UBE2W: variants seen among roughly 807,000 people sequenced by gnomAD.
UBE2W encodes the protein ubiquitin conjugating enzyme E2 W.
A neutral mutation model predicts 27.2 loss-of-function variants in UBE2W; 18 were observed. That is an observed-to-expected ratio of 0.66 (90% CI 0.46 to 0.98). UBE2W has a LOEUF of 0.98. UBE2W is among the 50% of genes least tolerant of loss of function. UBE2W has a pLI of 0.00. For missense variants in UBE2W, 90 were observed against 180.2 expected, an observed-to-expected ratio of 0.50 and a Z score of 2.87; for synonymous variants, 53 against 57.2, an observed-to-expected ratio of 0.93 and a Z score of 0.33.
At chr8:73,805,454 C>CAAAAAAAA (rs1162712227) in intron 5 of UBE2W, among the ~76,000 whole-genome samples, 197 bp downstream of exon 5, 749 of 14,524 alleles carry the variant, frequency 0.052, 145 homozygotes, top group Non-Finnish European at 0.062. Flanking sequence ...AACTCCATCT[C>CAAAAAAAA]AAAAAAAAAA....
intron 5 of UBE2W, among the ~76,000 whole-genome samples, chr8:73,805,174 C>CT (rs2130863222): frequency 6.6e-6 from 1 of 151,504 alleles, no homozygotes; most frequent in South Asian, 2.1e-4. Context: ...TGGTGTAGTG[C>CT]TGGGCGTGGT....
At chr8:73,871,181 T>G (rs1455506010) in intron 1 of UBE2W, among the ~76,000 whole-genome samples, 4 of 152,194 alleles carry the variant, frequency 2.6e-5, no homozygotes, top group African/African-American at 7.2e-5. Flanking sequence ...TGTATTTACA[T>G]CAGGAATTCA....
intron 1 of UBE2W, among the ~76,000 whole-genome samples, chr8:73,838,852 C>T (rs542938148): frequency 3.9e-5 from 6 of 152,306 alleles, no homozygotes; most frequent in African/African-American, 9.6e-5. Flanking sequence ...TTTGTAACAT[C>T]ACTTCAGCCT....
chr8:73,823,331 G>A (rs183859396), intron 3 of UBE2W, among the ~76,000 whole-genome samples: 1 of 152,222 alleles, frequency 6.6e-6, no homozygotes, highest in South Asian at 2.1e-4. Flanking sequence ...ATTAAGGAAA[G>A]AGTTTAGAGA....
intron 1 of UBE2W, among the ~76,000 whole-genome samples, chr8:73,857,328 TAAGG>T (rs1811342338): frequency 6.6e-6 from 1 of 152,164 alleles, no homozygotes; most frequent in African/African-American, 2.4e-5. Context: ...CCCTGGCACT[TAAGG>T]TAGATAGCAA....
In UBE2W at chr8:73,878,798, C is replaced by G; in HGVS notation, c.15+10G>C. On this transcript the variant is annotated intron_variant, in intron 1 of 5. Transcript: ENST00000602593. ...CCCTGGCCCGCCCAGATGCAGCAAA[C>G]TCCTCTCACCTGCATTGACGCCATG... The G allele has an allele frequency of 6.5e-7, 1 of 1,549,198 alleles. No homozygotes were observed.
chr8:73,878,739 C>A, intron 1 of UBE2W, 69 bp downstream of exon 1: 2 of 1,395,286 alleles, frequency 1.4e-6, no homozygotes, highest in South Asian at 2.5e-5. Flanking sequence ...GCGGACGCCA[C>A]CCCCGCCCGA....
At chr8:73,837,124 GGAAA>G (rs1474783676) in intron 1 of UBE2W, among the ~76,000 whole-genome samples, 1 of 152,078 alleles carries the variant, frequency 6.6e-6, no homozygotes, top group Admixed American at 6.6e-5. Context: ...TGTGTCACTA[GGAAA>G]GAAAAACTGC....
At chr8:73,845,318 G>T (rs1586513697) in intron 1 of UBE2W, among the ~76,000 whole-genome samples, 1 of 152,250 alleles carries the variant, frequency 6.6e-6, no homozygotes, top group South Asian at 2.1e-4. Flanking sequence ...CTGTGTCTGT[G>T]TAGAAAGTAG....
intron 1 of UBE2W, among the ~76,000 whole-genome samples, chr8:73,854,304 CAGT>C (rs1382513403): frequency 1.3e-5 from 2 of 152,060 alleles, no homozygotes; most frequent in Non-Finnish European, 2.9e-5. Flanking sequence ...GTGGAAACAA[CAGT>C]AGATCATGGC....
intron 4 of UBE2W, chr8:73,780,528 AATTT>A (rs10569270): frequency 0.017 from 7,859 of 451,610 alleles, 322 homozygotes; most frequent in African/African-American, 0.11. Context: ...CTGAAAAAAA[AATTT>A]ATTTATTTAT....
intron 3 of UBE2W, among the ~76,000 whole-genome samples, chr8:73,811,844 T>C (rs1809165838): frequency 6.6e-6 from 1 of 152,042 alleles, no homozygotes; most frequent in Admixed American, 6.6e-5. Flanking sequence ...TACCCTTTTT[T>C]CTCTTTATAG....
In UBE2W at chr8:73,843,198, A is replaced by G. The variant is rs116763156; in HGVS notation, c.16-12726T>C. ...AAAGGAGAATGGAGAGTGACTACTT[A>G]TGGACACAAAGGTTGCTTTTTGGGC... On this transcript the variant is annotated intron_variant, in intron 1 of 5. Transcript: ENST00000602593. 2.6e-3 allele frequency among the ~76,000 whole-genome samples: 403 copies of G among 152,340 alleles called. 1 individual carries two copies. Among genetic ancestry groups the G allele is most frequent in the African/African-American group, 9.4e-3 (391 of 41,572 alleles).
chr8:73,798,912 C>G (rs1009327749), intron 5 of UBE2W, among the ~76,000 whole-genome samples: 2 of 151,594 alleles, frequency 1.3e-5, no homozygotes, highest in African/African-American at 2.4e-5. Flanking sequence ...TTTTGCATAC[C>G]TATTTTGGTT....
rs1403246868 is a variant in UBE2W, at chr8:73,786,348, A to G, written c.*7754T>C. 1 of 985,334 alleles carries G rather than the reference A, an allele frequency of 1.0e-6. No individual in the cohort carries two copies. Among genetic ancestry groups the G allele is most frequent in the Non-Finnish European group, 1.2e-6 (1 of 829,948 alleles). 61.0% of individuals were successfully genotyped at this position (985,334 alleles called of 1,614,324 possible). A position where few individuals can be genotyped will look rare whatever the true frequency, so the allele number is the denominator to read the frequency against. ...TATGTTTCAAAATAGCTAGCACCTAAGTTTCTTTGAGAAAGCTAGGATAAA... is the reference window on the plus strand; with the variant it reads ...TATGTTTCAAAATAGCTAGCACCTAGGTTTCTTTGAGAAAGCTAGGATAAA... On this transcript the variant is annotated 3_prime_UTR_variant, in exon 6 of 6. Coordinates refer to ENST00000602593, the MANE Select transcript of UBE2W (RefSeq NM_018299.6).
chr8:73,834,841 G>A lies in UBE2W; in HGVS notation c.16-4369C>T, dbSNP rs184588236. ...CAAGAATAGCTTGAACTCGGGAGGC[G>A]GAGGTTGCAGTGAGCCTAGATCACG... is the stretch of plus-strand genomic sequence containing the variant. On this transcript the variant is annotated intron_variant, in intron 1 of 5. Transcript: ENST00000602593. 1.8e-4 allele frequency among the ~76,000 whole-genome samples: 27 copies of A among 152,196 alleles called. No individual in the cohort carries two copies. In the East Asian group the frequency reaches 2.5e-3, roughly 14 times the overall value.
intron 1 of UBE2W, among the ~76,000 whole-genome samples, chr8:73,849,881 A>G (rs981878330): frequency 1.8e-4 from 27 of 152,184 alleles, no homozygotes; most frequent in Non-Finnish European, 2.9e-5. Flanking sequence ...TGCTATGTTA[A>G]TATCAAGTGA....
In UBE2W at chr8:73,790,565, A is replaced by T. The variant is rs1022767700; in HGVS notation, c.*3537T>A. On this transcript the variant is annotated 3_prime_UTR_variant, in exon 6 of 6. Transcript: ENST00000602593. ...AGATATGTACAAAAAAATTAATGAA[A>T]GTGAGATCAAGAAATATAAGCAGCA... 3 of 984,524 alleles carry T rather than the reference A, an allele frequency of 3.0e-6. No homozygotes were observed. In the African/African-American group the frequency reaches 5.2e-5, roughly 17 times the overall value. 61.0% of individuals were successfully genotyped at this position (984,524 alleles called of 1,614,324 possible). A position where few individuals can be genotyped will look rare whatever the true frequency, so the allele number is the denominator to read the frequency against.
Position 73,878,802 on chromosome 8 carries a change from T to G in UBE2W, c.15+6A>C. On this transcript the variant is annotated splice_donor_region_variant and intron_variant, in intron 1 of 5. Transcript: ENST00000602593. The stretch of plus-strand genomic sequence containing the variant: ...GGCCCGCCCAGATGCAGCAAACTCC[T>G]CTCACCTGCATTGACGCCATGATGG... The G allele has an allele frequency of 6.5e-7, 1 of 1,549,500 alleles. No individual in the cohort carries two copies. Among genetic ancestry groups the G allele is most frequent in the South Asian group, 1.2e-5 (1 of 84,010 alleles).
Sources: gnomAD v4.1 joint callset for allele counts (sites outside exome capture counted in the v4.1 genomes callset) on GRCh38, gnomAD v4.1.1 for gene constraint, MANE v1.5 for transcripts, NCBI Gene and HGNC (gene_info 2026-07-23, HGNC 2026-07-21) for gene names.